Variants in ACP3 observed in about 807,000 individuals in gnomAD.
ACP3 encodes prostatic acid phosphatase.
Under a neutral mutation model 45.6 loss-of-function variants are expected in ACP3, and 38 were observed. The ratio of observed to expected loss-of-function variants is 0.83; its 90% confidence interval spans 0.64 to 1.09. The LOEUF (loss-of-function observed/expected upper bound fraction) is 1.09. ACP3 is among the 50% of genes least tolerant of loss of function. The pLI is 0.00. For missense variants in ACP3, 466 were observed against 463.2 expected (o/e 1.01, Z -0.05); for synonymous variants, 162 against 164.7 (o/e 0.98, Z 0.13).
intron 4 of ACP3, chr3:132,333,504 A>C (rs1216022688): frequency 2.6e-5 from 4 of 152,570 alleles, no homozygotes; most frequent in African/African-American, 9.7e-5. Context: ...GTAGGTTACT[A>C]TCCTCTTTGT....
intron 9 of ACP3, among the ~76,000 whole-genome samples, chr3:132,353,054 T>G (rs1937795734): frequency 6.6e-6 from 1 of 152,220 alleles, no homozygotes; most frequent in Non-Finnish European, 1.5e-5. Context: ...ATAGCCTATG[T>G]AACAGAAATT....
intron 9 of ACP3, among the ~76,000 whole-genome samples, chr3:132,355,645 A>G (rs56302701): frequency 0.48 from 72,269 of 151,654 alleles, 17,985 homozygotes; most frequent in Middle Eastern, 0.65. Context: ...AGCCTCCCAA[A>G]TAGCTGGGAC....
At chr3:132,339,468 C>T (rs116956154) in intron 5 of ACP3, among the ~76,000 whole-genome samples, 2 of 152,316 alleles carry the variant, frequency 1.3e-5, no homozygotes, top group African/African-American at 4.8e-5. Flanking sequence ...CTGGCCACCC[C>T]CAACCCGCCA....
At chr3:132,337,829 G>A (rs1430701052) in intron 5 of ACP3, among the ~76,000 whole-genome samples, 1 of 152,150 alleles carries the variant, frequency 6.6e-6, no homozygotes, top group Non-Finnish European at 1.5e-5. Flanking sequence ...GTAAATGGCT[G>A]GATGAGAATA....
intron 6 of ACP3, 91 bp downstream of exon 6, chr3:132,342,735 C>A: frequency 1.3e-6 from 1 of 762,134 alleles, no homozygotes; most frequent in Non-Finnish European, 2.1e-6. Context: ...TCTTTCACTT[C>A]TTTATGAATG....
intron 8 of ACP3, among the ~76,000 whole-genome samples, chr3:132,352,439 C>G (rs899584625): frequency 1.7e-4 from 26 of 151,428 alleles, no homozygotes; most frequent in Non-Finnish European, 5.9e-5. Flanking sequence ...CTCAAGTGAT[C>G]CACCTGCCTC....
At chr3:132,362,451 T>C (rs143172588), downstream of ACP3, among the ~76,000 whole-genome samples, 13 of 152,228 alleles carry the variant, frequency 8.5e-5, no homozygotes, top group Admixed American at 5.2e-4. Context: ...TATTTTCCTA[T>C]GTATCAAGCA....
intron 4 of ACP3, chr3:132,333,365 A>C (rs1340743551): frequency 6.5e-6 from 1 of 152,696 alleles, no homozygotes; most frequent in African/African-American, 2.4e-5. Flanking sequence ...ATATGAAAGA[A>C]ATAGTTTGGG....
chr3:132,329,873 AC>A (rs1271725724), intron 2 of ACP3, among the ~76,000 whole-genome samples: 1 of 151,472 alleles, frequency 6.6e-6, no homozygotes, highest in Non-Finnish European at 1.5e-5. Context: ...ATTTGAAGTG[AC>A]AAGGTTCTAG....
rs562218069 is a variant in ACP3, at chr3:132,337,614, G to T, written c.555+60G>T. On this transcript the variant is annotated intron_variant, in intron 5 of 9. Coordinates refer to ENST00000336375, the MANE Select transcript of ACP3 (RefSeq NM_001099.5). ...GTTTGTTAGTGGTACTTGAGTGTGA[G>T]GGCCAAGACACAAGATGAAGCTTTG... 457 of 1,074,498 alleles carry T rather than the reference G, an allele frequency of 4.3e-4. 1 individual carries two copies. In the Admixed American group the frequency reaches 9.0e-3, roughly 21 times the overall value. The allele number at this position is 1,074,498 out of a possible 1,614,324, so 66.6% of individuals were successfully genotyped here.
chr3:132,336,148 T>C (rs1937486330), intron 4 of ACP3, among the ~76,000 whole-genome samples: 1 of 151,998 alleles, frequency 6.6e-6, no homozygotes, highest in Admixed American at 6.6e-5. Context: ...TAGTCCCAGC[T>C]ACTCAGGAGA....
chr3:132,322,290 T>A (rs1937220879), intron 1 of ACP3, among the ~76,000 whole-genome samples: 1 of 152,204 alleles, frequency 6.6e-6, no homozygotes, highest in South Asian at 2.1e-4. Flanking sequence ...CCTGATTGCT[T>A]CACGGGGAGT....
At chr3:132,340,826 T>C (rs1937545884) in intron 5 of ACP3, among the ~76,000 whole-genome samples, 1 of 152,224 alleles carries the variant, frequency 6.6e-6, no homozygotes, top group Admixed American at 6.5e-5. Context: ...TCATCCCTCA[T>C]TGCTTTTTCT....
intron 9 of ACP3, among the ~76,000 whole-genome samples, chr3:132,354,148 C>G (rs1331047583): frequency 6.6e-6 from 1 of 152,134 alleles, no homozygotes; most frequent in African/African-American, 2.4e-5. Context: ...ACAAGTCTGC[C>G]CATCAGAAGG....
intron 10 of ACP3, among the ~76,000 whole-genome samples, chr3:132,365,287 T>C (rs1938111585): frequency 6.6e-6 from 1 of 152,146 alleles, no homozygotes; most frequent in South Asian, 2.1e-4. Context: ...AAGATGAGGA[T>C]CACAATGGCC....
chr3:132,318,521 G>T (rs1937149175), intron 1 of ACP3, among the ~76,000 whole-genome samples: 1 of 150,688 alleles, frequency 6.6e-6, no homozygotes, highest in African/African-American at 2.4e-5. Context: ...TTTCAGCATG[G>T]GATATTCAAA....
intron 8 of ACP3, among the ~76,000 whole-genome samples, chr3:132,351,335 G>A (rs1181394874): frequency 1.3e-5 from 2 of 152,214 alleles, no homozygotes; most frequent in South Asian, 2.1e-4. Flanking sequence ...GAGACACAGT[G>A]TTTGGGGAAA....
At chr3:132,348,160 G>T (rs1419385019) in intron 7 of ACP3, among the ~76,000 whole-genome samples, 1 of 152,062 alleles carries the variant, frequency 6.6e-6, no homozygotes, top group East Asian at 1.9e-4. Flanking sequence ...AGAAAAGTTT[G>T]CCAACCTCTG....
intron 7 of ACP3, among the ~76,000 whole-genome samples, chr3:132,347,079 C>G (rs1478233042): frequency 6.6e-6 from 1 of 152,236 alleles, no homozygotes. Flanking sequence ...CTTCCCCTCT[C>G]TGGATCTCTG....
Sources: gnomAD v4.1 joint callset for allele counts (sites outside exome capture counted in the v4.1 genomes callset) on GRCh38, gnomAD v4.1.1 for gene constraint, MANE v1.5 for transcripts, NCBI Gene and HGNC (gene_info 2026-07-23, HGNC 2026-07-21) for gene names.